The following ASB3 variants were observed in gnomAD, a reference collection of about 807,000 sequenced individuals.
The protein encoded by ASB3 is ankyrin repeat and SOCS box protein 3.
In ASB3, 41 loss-of-function variants were observed where a neutral mutation model predicts 54.5. That is an observed-to-expected ratio of 0.75 (90% CI 0.59 to 0.98). The LOEUF is 0.98. ASB3 is among the 50% of genes least tolerant of loss of function. ASB3 has a pLI of 0.00. For synonymous variants in ASB3, 266 were observed against 221.2 expected, an observed-to-expected ratio of 1.20 and a Z score of -1.80; for missense variants, 733 against 620.0, an observed-to-expected ratio of 1.18 and a Z score of -1.94.
intron 7 of ASB3, among the ~76,000 whole-genome samples, chr2:53,711,271 C>A (rs1670080108): frequency 6.6e-6 from 1 of 152,350 alleles, no homozygotes; most frequent in South Asian, 2.1e-4. Flanking sequence ...CCCTACCATT[C>A]TCTGGCCCAC....
chr2:53,751,003 G>C (rs2104006917), intron 2 of ASB3, 62 bp from the exon 3 acceptor site: 1 of 1,402,040 alleles, frequency 7.1e-7, no homozygotes, highest in East Asian at 2.6e-5. Context: ...GTTTTAAAAA[G>C]CAAAGATTCC....
In ASB3 at chr2:53,720,288, C is replaced by A. The variant is rs1001746934; in HGVS notation, c.605-3545G>T. On this transcript the variant is annotated intron_variant, in intron 5 of 9. Transcript: ENST00000263634. The stretch of plus-strand genomic sequence containing the variant: ...GTCTCATGTATAAAACGTATAAAAC[C>A]AAGTTGTGCCCCAACCACTTTGGGC... 1.1e-4 allele frequency among the ~76,000 whole-genome samples: 17 copies of A among 152,022 alleles called. No homozygotes were observed. In the South Asian group the frequency reaches 3.5e-3, roughly 32 times the overall value.
At chr2:53,699,571 G>T (rs542154163) in intron 8 of ASB3, among the ~76,000 whole-genome samples, 1 of 152,290 alleles carries the variant, frequency 6.6e-6, no homozygotes, top group East Asian at 1.9e-4. Context: ...ATATTTTATT[G>T]AAATTCTATA....
chr2:53,776,892 T>C (rs1286810834), intron 1 of ASB3, among the ~76,000 whole-genome samples: 1 of 152,224 alleles, frequency 6.6e-6, no homozygotes, highest in African/African-American at 2.4e-5. Context: ...ATCCTGTGGC[T>C]ACTATGTTGA....
At chr2:53,707,954 T>C (rs1669878636) in intron 7 of ASB3, among the ~76,000 whole-genome samples, 1 of 121,626 alleles carries the variant, frequency 8.2e-6, no homozygotes. Context: ...AGAGTCAGAC[T>C]CTGTCTCAAA....
chr2:53,696,842 T>C (rs1273821831), intron 8 of ASB3, among the ~76,000 whole-genome samples: 5 of 152,170 alleles, frequency 3.3e-5, no homozygotes, highest in Admixed American at 1.3e-4. Context: ...AGGAAGTGCA[T>C]AGACTAGACA....
chr2:53,700,891 C>G (rs1188266047), intron 7 of ASB3, among the ~76,000 whole-genome samples: 1 of 152,234 alleles, frequency 6.6e-6, no homozygotes, highest in Non-Finnish European at 1.5e-5. Flanking sequence ...ACAACGTGAT[C>G]AATCCTTAAA....
intron 7 of ASB3, among the ~76,000 whole-genome samples, chr2:53,713,065 G>A (rs1325280246): frequency 1.3e-5 from 2 of 152,176 alleles, no homozygotes; most frequent in Non-Finnish European, 2.9e-5. Context: ...GAGGCCGGAT[G>A]GGGTGGCTCA....
rs114648658 is a variant in ASB3 at position 53,670,399 on chromosome 2, A to G, written c.*104T>C. The G allele has an allele frequency of 1.7e-3, 2,312 of 1,333,056 alleles. 38 individuals are homozygous for G. In the African/African-American group the frequency reaches 0.032, roughly 18 times the overall value. 82.6% of individuals were successfully genotyped at this position (1,333,056 alleles called of 1,614,324 possible). ...AACCTAACCTATCTCACAATCAATA[A>G]TCATCTTTTGACTATAAAATCATAA... On this transcript the variant is annotated 3_prime_UTR_variant, in exon 10 of 10. Transcript: ENST00000263634.
intron 9 of ASB3, among the ~76,000 whole-genome samples, chr2:53,672,468 G>A (rs891400492): frequency 6.6e-6 from 1 of 152,152 alleles, no homozygotes; most frequent in Non-Finnish European, 1.5e-5. Context: ...GGCCCAAGCT[G>A]CAAACACCAC....
chr2:53,718,464 C>T (rs911018717), intron 5 of ASB3, among the ~76,000 whole-genome samples: 4 of 151,984 alleles, frequency 2.6e-5, no homozygotes, highest in South Asian at 4.2e-4. Flanking sequence ...GACAAGCAAG[C>T]GATAAGACAA....
At chr2:53,681,260 G>A (rs1668356669) in intron 9 of ASB3, among the ~76,000 whole-genome samples, 2 of 152,160 alleles carry the variant, frequency 1.3e-5, no homozygotes, top group South Asian at 2.1e-4. Context: ...GGATTATATG[G>A]TAGGTCTATT....
At chr2:53,755,849 AGCTCTTTAAAGATAAG>A (rs946752665) in intron 2 of ASB3, among the ~76,000 whole-genome samples, 2 of 152,206 alleles carry the variant, frequency 1.3e-5, no homozygotes, top group Non-Finnish European at 2.9e-5. Flanking sequence ...ATACATAAAG[AGCTCTTTAAAGATAAG>A]GCAAGGCCTA....
intron 1 of ASB3, chr2:53,774,105 C>G (rs1234790509): frequency 2.6e-6 from 4 of 1,538,140 alleles, no homozygotes; most frequent in Non-Finnish European, 2.6e-6. Flanking sequence ...TTTAATTAGC[C>G]TTATAATACC....
rs576831143 is a variant in ASB3, at chr2:53,702,927, G to C, written c.981-2399C>G. On this transcript the variant is annotated intron_variant, in intron 7 of 9. Transcript: ENST00000263634. ...GGCCAAATAGTGAGTTTTACTGAATGGCTTTCGACCATTAGCTGAAAACAA... is the reference window on the plus strand; with the variant it reads ...GGCCAAATAGTGAGTTTTACTGAATCGCTTTCGACCATTAGCTGAAAACAA... 5.2e-4 allele frequency among the ~76,000 whole-genome samples: 79 copies of C among 152,320 alleles called. 1 individual carries two copies. The South Asian group carries it at 0.016, about 31-fold the overall frequency.
At chr2:53,705,757 T>C (rs2103790553) in intron 7 of ASB3, among the ~76,000 whole-genome samples, 1 of 152,364 alleles carries the variant, frequency 6.6e-6, no homozygotes, top group Admixed American at 6.5e-5. Context: ...TGTTTTTTTC[T>C]TCCATCTTTT....
chr2:53,686,560 A>T (rs1254801283), intron 9 of ASB3, among the ~76,000 whole-genome samples: 1 of 152,204 alleles, frequency 6.6e-6, no homozygotes, highest in Non-Finnish European at 1.5e-5. Flanking sequence ...TATTTTAGAC[A>T]GGAACCTAGT....
At chr2:53,711,905 CCA>C (rs1670119749) in intron 7 of ASB3, among the ~76,000 whole-genome samples, 1 of 152,044 alleles carries the variant, frequency 6.6e-6, no homozygotes, top group Admixed American at 6.5e-5. Context: ...TGAATTTTGA[CCA>C]CAGTTTTTTG....
In ASB3 at chr2:53,716,551, G is replaced by A. The variant is rs370816594; in HGVS notation, c.782+15C>T. On this transcript the variant is annotated intron_variant, in intron 6 of 9. Transcript: ENST00000263634. ...GATTAAGAGACCATGTTTATTTTCT[G>A]TTTTTAACACTTACTTTGTATGGCC... The A allele has an allele frequency of 2.6e-5, 41 of 1,606,066 alleles. No homozygotes were observed. The highest frequency in any genetic ancestry group is 3.1e-5 in the Non-Finnish European group (36 of 1,174,772).
Sources: allele counts gnomAD v4.1 joint callset (sites outside exome capture counted in the v4.1 genomes callset), GRCh38; gene constraint gnomAD v4.1.1; transcripts MANE v1.5; gene names NCBI Gene and HGNC (gene_info 2026-07-23, HGNC 2026-07-21).